Variants in TERF2 observed in about 807,000 individuals in gnomAD.
TERF2 encodes the protein telomeric repeat-binding factor 2.
A neutral mutation model predicts 56.1 loss-of-function variants in TERF2; 16 were observed. The ratio of observed to expected loss-of-function variants is 0.29; its 90% CI spans 0.19 to 0.43. The LOEUF (loss-of-function observed/expected upper bound fraction) is 0.43, where lower values mean the gene tolerates loss of function less well. Among genes scored for constraint, TERF2 ranks in the 20% least tolerant of loss-of-function variants. The probability of loss-of-function intolerance (pLI) is 1.00; values close to 1 mark genes in which losing one functional copy is unlikely to be tolerated. For missense variants in TERF2, 547 were observed against 712.9 expected, an observed-to-expected ratio of 0.77 and a Z score of 2.65; for synonymous variants, 296 against 282.1, an observed-to-expected ratio of 1.05 and a Z score of -0.50.
intron 2 of TERF2, 82 bp downstream of exon 2, chr16:69,385,308 TG>T: frequency 8.2e-7 from 1 of 1,226,114 alleles, no homozygotes; most frequent in Non-Finnish European, 1.2e-6. Context: ...CACTTTAACC[TG>T]GAATCCTTCA....
At chr16:69,370,707 C>T in intron 4 of TERF2, 78 bp from the exon 5 acceptor site, 1 of 1,428,706 alleles carries the variant, frequency 7.0e-7, no homozygotes, top group South Asian at 1.3e-5. Flanking sequence ...GTGAGACAGA[C>T]ACTATGAGAA....
chr16:69,370,281 T>A, intron 5 of TERF2: 1 of 633,542 alleles, frequency 1.6e-6, no homozygotes, highest in Non-Finnish European at 2.6e-6. Flanking sequence ...TCCACCCCCC[T>A]GGGCCTCCCA....
chr16:69,356,573 G>A lies in TERF2; in HGVS notation c.*325C>T, dbSNP rs1426985000. ...CCCAGCACTTTGGGAGGCCGAGTTG[G>A]GTGGATCACGAGGTCAGGAGATCGA... On this transcript the variant is annotated 3_prime_UTR_variant, in exon 10 of 10. Coordinates refer to ENST00000254942, the MANE Select transcript of TERF2 (RefSeq NM_005652.5). 1 of 252,430 alleles carries A rather than the reference G, an allele frequency of 4.0e-6. No homozygotes were observed. Among genetic ancestry groups the A allele is most frequent in the Non-Finnish European group, 7.8e-6 (1 of 128,472 alleles). The allele number at this position is 252,430 out of a possible 1,614,324, so 15.6% of individuals were successfully genotyped here.
intron 5 of TERF2, among the ~76,000 whole-genome samples, chr16:69,369,255 C>T (rs767063250): frequency 6.6e-6 from 1 of 152,138 alleles, no homozygotes; most frequent in Non-Finnish European, 1.5e-5. Context: ...ATTTGCCAAA[C>T]GACTGCTAAG....
intron 8 of TERF2, 99 bp downstream of exon 8, chr16:69,361,305 G>T: frequency 2.4e-6 from 2 of 846,908 alleles, no homozygotes; most frequent in Non-Finnish European, 2.0e-6. Flanking sequence ...ACTTTTTCTA[G>T]TTCGGAGACA....
In TERF2 at chr16:69,356,924, TC is replaced by T; in HGVS notation, c.1602del (p.Thr535ProfsTer2). 1 of 1,613,628 alleles carries T rather than the reference TC, an allele frequency of 6.2e-7. No homozygotes were observed. The highest frequency in any genetic ancestry group is 8.5e-7 in the Non-Finnish European group (1 of 1,179,812). On this transcript the variant is annotated frameshift_variant, in exon 10 of 10. Transcript: ENST00000254942. LOFTEE classifies it high-confidence loss of function. ...RTAVMIKDRW[R>X]TMKRLGMN ...CAGTTCATGCCAAGTCTTTTCATGG[TC>T]CGCCAGCGATCCTTAATCATCACAG...
At chr16:69,361,730 C>T (rs984477873) in intron 7 of TERF2, among the ~76,000 whole-genome samples, 1 of 152,014 alleles carries the variant, frequency 6.6e-6, no homozygotes, top group South Asian at 2.1e-4. Context: ...ACATCAAGCA[C>T]ATCACCACCC....
At chr16:69,375,615 G>GT (rs886695600) in intron 3 of TERF2, among the ~76,000 whole-genome samples, 9 of 151,546 alleles carry the variant, frequency 5.9e-5, no homozygotes, top group East Asian at 5.8e-4. Context: ...TATAGTTAGG[G>GT]TTTTTTTTTA....
At chr16:69,372,929 A>G (rs1486359418) in intron 3 of TERF2, among the ~76,000 whole-genome samples, 4 of 152,160 alleles carry the variant, frequency 2.6e-5, no homozygotes, top group Admixed American at 2.6e-4. Flanking sequence ...CAATTTCAAT[A>G]GGGCCTCCTG....
chr16:69,363,665 TAACAAAAA>T (rs1174136740), intron 7 of TERF2, among the ~76,000 whole-genome samples: 1 of 152,074 alleles, frequency 6.6e-6, no homozygotes, highest in East Asian at 1.9e-4. Context: ...TTAAGGGTTG[TAACAAAAA>T]AACAAAAAAA....
At chr16:69,370,773 A>G in intron 4 of TERF2, 144 bp from the exon 5 acceptor site, 1 of 789,746 alleles carries the variant, frequency 1.3e-6, no homozygotes, top group Non-Finnish European at 2.0e-6. Flanking sequence ...GGGAAGCCCA[A>G]CACAAAGGAT....
In TERF2 at chr16:69,361,505, G is replaced by T. The variant is rs372466178; in HGVS notation, c.1341-16C>A. 3.8e-6 allele frequency: 6 copies of T among 1,571,640 alleles called. No individual in the cohort carries two copies. The African/African-American group carries it at 8.1e-5, about 21-fold the overall frequency. ...TTTGGGTACTCTGAGGGGAGATCAA[G>T]GAGAGCACAGGTATAAAACAAATTC... is the stretch of plus-strand genomic sequence containing the variant. On this transcript the variant is annotated splice_polypyrimidine_tract_variant and intron_variant, in intron 7 of 9. Coordinates refer to ENST00000254942, the MANE Select transcript of TERF2 (RefSeq NM_005652.5).
At chr16:69,377,015 A>G (rs2013816152) in intron 3 of TERF2, among the ~76,000 whole-genome samples, 1 of 152,056 alleles carries the variant, frequency 6.6e-6, no homozygotes, top group Non-Finnish European at 1.5e-5. Flanking sequence ...AGTCTGGCCA[A>G]CATGGTGAAA....
At position 69,366,988 on chromosome 16, in the gene TERF2, C is replaced by G; in HGVS notation, c.1159G>C (p.Glu387Gln). The G allele has an allele frequency of 6.2e-7, 1 of 1,614,254 alleles. No individual in the cohort carries two copies. The highest frequency in any genetic ancestry group is 8.5e-7 in the Non-Finnish European group (1 of 1,180,048). ...ENESSAPADG[E>Q]GGSELQPKNK... ...TTGGGCTGCAGTTCCGAGCCACCCT[C>G]ACCGTCAGCCGGGGCTGAACTTTCG... Residue 387 changes from glutamate (E) to glutamine (Q), a missense_variant, in exon 7 of 10, where the codon GAG (glutamate) becomes CAG (glutamine). By Grantham distance (29) the Glu-to-Gln change is conservative. Transcript: ENST00000254942.
chr16:69,384,741 C>A, intron 2 of TERF2, 31 bp from the exon 3 acceptor site: 1 of 1,559,058 alleles, frequency 6.4e-7, no homozygotes, highest in Non-Finnish European at 8.6e-7. Context: ...CATTTTTAAG[C>A]TCTTTTCTAA....
intron 3 of TERF2, among the ~76,000 whole-genome samples, chr16:69,374,649 A>AGGGCC (rs1338454491): frequency 1.6e-5 from 1 of 61,938 alleles, no homozygotes; most frequent in Admixed American, 1.5e-4. Context: ...AAAAAAAAAA[A>AGGGCC]AAAAAAAAAA....
intron 4 of TERF2, among the ~76,000 whole-genome samples, chr16:69,371,484 G>A (rs565719541): frequency 1.1e-4 from 15 of 132,324 alleles, no homozygotes; most frequent in African/African-American, 4.3e-4. Flanking sequence ...CCGGGCAACA[G>A]AGCAAGACTC....
In TERF2 at chr16:69,385,742, A is replaced by T; in HGVS notation, c.230T>A (p.Leu77Gln). 1 of 1,458,164 alleles carries T rather than the reference A, an allele frequency of 6.9e-7. No individual in the cohort carries two copies. The highest frequency in any genetic ancestry group is 9.0e-7 in the Non-Finnish European group (1 of 1,109,148). 90.3% of individuals were successfully genotyped at this position (1,458,164 alleles called of 1,614,324 possible). Residue 77 changes from leucine to glutamine, a missense_variant, in exon 1 of 10, where the codon CTG becomes CAG. By Grantham distance (113) the Leu-to-Gln change is moderately radical. Coordinates refer to ENST00000254942, the MANE Select transcript of TERF2 (RefSeq NM_005652.5). ...CGCGCCGCGCTCCGCCGGGCCCCCC[A>T]GCCCCGGCTCGTGGCGCCCCCGCCG... is the stretch of plus-strand genomic sequence containing the variant. ...RARRGRHEPG[L>Q]GGPAERGAGE...
intron 4 of TERF2, among the ~76,000 whole-genome samples, chr16:69,371,042 G>A (rs1186515723): frequency 2.7e-5 from 4 of 150,626 alleles, no homozygotes; most frequent in Non-Finnish European, 5.9e-5. Flanking sequence ...ATGCATAGAG[G>A]ATCTTTGAAA....
Sources: gnomAD v4.1 joint callset for allele counts (sites outside exome capture counted in the v4.1 genomes callset) on GRCh38, gnomAD v4.1.1 for gene constraint, MANE v1.5 for transcripts, NCBI Gene and HGNC (gene_info 2026-07-23, HGNC 2026-07-21) for gene names.